The following ADGRA3 variants were observed in gnomAD, a reference collection of about 807,000 sequenced individuals.
ADGRA3 encodes the protein G-protein coupled receptor 125.
In ADGRA3, 56 loss-of-function variants were observed where a neutral mutation model predicts 119.8. The observed-to-expected ratio is 0.47, with a 90% CI of 0.38 to 0.58. The LOEUF (loss-of-function observed/expected upper bound fraction) is 0.58. Ranked by LOEUF, ADGRA3 falls within the 20% of genes least tolerant of loss-of-function variation. ADGRA3 has a pLI of 0.00. For synonymous variants in ADGRA3, 607 were observed against 623.8 expected (o/e 0.97, Z 0.40); for missense variants, 1,516 against 1,649.0 (o/e 0.92, Z 1.40).
At chr4:22,444,894 A>C (rs992246984) in intron 6 of ADGRA3, 79 bp downstream of exon 6, 4 of 1,401,598 alleles carry the variant, frequency 2.9e-6, no homozygotes, top group Non-Finnish European at 4.0e-6. Context: ...TATAAAGAGA[A>C]TCTTACAATT....
chr4:22,389,218 A>C (rs776246653), intron 17 of ADGRA3, 35 bp from the exon 18 acceptor site: 1 of 1,369,914 alleles, frequency 7.3e-7, no homozygotes, highest in African/African-American at 1.4e-5. Flanking sequence ...ACCACTCATC[A>C]TTCCATTTCT....
intron 14 of ADGRA3, among the ~76,000 whole-genome samples, chr4:22,409,104 T>C (rs1715079089): frequency 6.6e-6 from 1 of 152,192 alleles, no homozygotes; most frequent in African/African-American, 2.4e-5. Context: ...TGGCAGGAAC[T>C]GACTAGAGAG....
intron 12 of ADGRA3, among the ~76,000 whole-genome samples, chr4:22,418,041 C>A (rs1429826719): frequency 6.6e-6 from 1 of 152,148 alleles, no homozygotes; most frequent in Non-Finnish European, 1.5e-5. Context: ...ATTTCCAAAG[C>A]CCTCAGTAAA....
intron 14 of ADGRA3, among the ~76,000 whole-genome samples, chr4:22,406,928 C>T (rs12650053): frequency 0.7 from 105,688 of 151,924 alleles, 37,128 homozygotes; most frequent in Non-Finnish European, 0.75. Flanking sequence ...TATTAAAAGC[C>T]ATTATTAGCT....
intron 1 of ADGRA3, among the ~76,000 whole-genome samples, chr4:22,487,051 A>G (rs1257243926): frequency 6.6e-6 from 1 of 152,092 alleles, no homozygotes; most frequent in African/African-American, 2.4e-5. Flanking sequence ...AGGCTGGGCT[A>G]TTGTGCTCTC....
At chr4:22,450,107 C>A (rs1053268874) in intron 4 of ADGRA3, among the ~76,000 whole-genome samples, 1 of 152,170 alleles carries the variant, frequency 6.6e-6, no homozygotes, top group Admixed American at 6.5e-5. Context: ...ACATTACAAT[C>A]GCAGTCTAGC....
chr4:22,499,650 TG>T (rs1718981751), intron 1 of ADGRA3, among the ~76,000 whole-genome samples: 1 of 152,202 alleles, frequency 6.6e-6, no homozygotes, highest in African/African-American at 2.4e-5. Context: ...GGCAGCTGTT[TG>T]AGATAGGGTC....
At chr4:22,501,342 AATG>A (rs3083421) in intron 1 of ADGRA3, among the ~76,000 whole-genome samples, 2 of 53,912 alleles carry the variant, frequency 3.7e-5, no homozygotes, top group Non-Finnish European at 1.2e-4. Flanking sequence ...GAAGGAGAAC[AATG>A]AGAAAGGCCA....
At chr4:22,434,445 T>C (rs879102876) in intron 10 of ADGRA3, among the ~76,000 whole-genome samples, 1 of 152,064 alleles carries the variant, frequency 6.6e-6, no homozygotes, top group Admixed American at 6.6e-5. Context: ...AAGGTGAATG[T>C]GATGCTACAG....
In ADGRA3 at chr4:22,486,093, A is replaced by G. The variant is rs1235057295; in HGVS notation, c.258-12250T>C. 5.3e-5 allele frequency among the ~76,000 whole-genome samples: 8 copies of G among 152,166 alleles called. No homozygotes were observed. The East Asian group carries it at 1.3e-3, about 26-fold the overall frequency. On this transcript the variant is annotated intron_variant, in intron 1 of 18. Transcript: ENST00000334304. ...CCTTTGCTGTGGAGTTTCGCCATCA[A>G]TCTGATCCCATCTGCTTTATTTATT...
intron 11 of ADGRA3, among the ~76,000 whole-genome samples, chr4:22,423,109 T>C (rs1358164588): frequency 1.3e-5 from 2 of 152,010 alleles, no homozygotes; most frequent in African/African-American, 4.8e-5. Flanking sequence ...GGCATGATAC[T>C]GCTTGAACAC....
At chr4:22,421,144 C>A in intron 11 of ADGRA3, 55 bp from the exon 12 acceptor site, 1 of 1,470,242 alleles carries the variant, frequency 6.8e-7, no homozygotes, top group Non-Finnish European at 9.4e-7. Context: ...AAAGGAAAAG[C>A]ACTTTCAAAG....
chr4:22,419,795 C>G (rs577346313), intron 12 of ADGRA3, among the ~76,000 whole-genome samples: 4 of 152,010 alleles, frequency 2.6e-5, no homozygotes, highest in Admixed American at 2.0e-4. Flanking sequence ...ATATAAGACA[C>G]AATAAGGAAA....
intron 10 of ADGRA3, among the ~76,000 whole-genome samples, chr4:22,431,537 C>G (rs1716170103): frequency 6.6e-6 from 1 of 152,184 alleles, no homozygotes; most frequent in African/African-American, 2.4e-5. Context: ...CTCACAAAAT[C>G]TGATGGTTTT....
chr4:22,414,677 G>A, intron 12 of ADGRA3: 1 of 662,800 alleles, frequency 1.5e-6, no homozygotes, highest in Non-Finnish European at 2.7e-6. Flanking sequence ...TTAATACTAA[G>A]CCCAAATCCT....
chr4:22,492,888 A>G (rs1718680947), intron 1 of ADGRA3, among the ~76,000 whole-genome samples: 3 of 152,248 alleles, frequency 2.0e-5, no homozygotes, highest in African/African-American at 7.2e-5. Flanking sequence ...ACATATATTT[A>G]CAAGTGTGCA....
At chr4:22,483,508 A>G (rs996702605) in intron 1 of ADGRA3, among the ~76,000 whole-genome samples, 7 of 152,178 alleles carry the variant, frequency 4.6e-5, no homozygotes, top group Admixed American at 3.3e-4. Flanking sequence ...CTACCAGAGT[A>G]TGTCTAGTAC....
At chr4:22,468,267 T>C (rs16872711) in intron 2 of ADGRA3, among the ~76,000 whole-genome samples, 8,320 of 152,264 alleles carry the variant, frequency 0.055, 247 homozygotes, top group Middle Eastern at 0.13. Flanking sequence ...TCATCTCTTA[T>C]TGACTAGGAC....
rs144811355 is a variant in ADGRA3, at chr4:22,390,648, G to A, written c.2628-1465C>T. On this transcript the variant is annotated intron_variant, in intron 17 of 18. Coordinates refer to ENST00000334304, the MANE Select transcript of ADGRA3 (RefSeq NM_145290.4). Reference sequence around the variant, plus strand: ...CAGAAGAATCTCACTGGCAAATCTCGTGTCCCACCCTCCAGGTAGGCAGCA... The same window carrying A: ...CAGAAGAATCTCACTGGCAAATCTCATGTCCCACCCTCCAGGTAGGCAGCA... Among the ~76,000 whole-genome samples, 1,183 of 151,522 alleles carry A rather than the reference G, an allele frequency of 7.8e-3. 14 individuals are homozygous for A. The highest frequency in any genetic ancestry group is 0.027 in the African/African-American group (1,124 of 41,270).
Sources: gnomAD v4.1 joint callset for allele counts (sites outside exome capture counted in the v4.1 genomes callset) on GRCh38, gnomAD v4.1.1 for gene constraint, MANE v1.5 for transcripts, NCBI Gene and HGNC (gene_info 2026-07-23, HGNC 2026-07-21) for gene names.